GALNT9: variants seen among roughly 807,000 people sequenced by gnomAD.
GALNT9 encodes the protein GalNAc transferase 9.
A neutral mutation model predicts 63.1 loss-of-function variants in GALNT9; 47 were observed. The observed-to-expected ratio is 0.75, with a 90% CI of 0.59 to 0.95. The LOEUF is 0.95. GALNT9 is among the 40% of genes least tolerant of loss of function. The pLI is 0.00. For synonymous variants in GALNT9, 396 were observed against 365.7 expected, an observed-to-expected ratio of 1.08 and a Z score of -0.94; for missense variants, 829 against 874.8, an observed-to-expected ratio of 0.95 and a Z score of 0.66.
At position 132,319,304 on chromosome 12, in the gene GALNT9, G is replaced by C. The variant is rs782611938; in HGVS notation, c.238+9662C>G. On this transcript the variant is annotated intron_variant, in intron 1 of 10. Coordinates refer to ENST00000328957, the MANE Select transcript of GALNT9 (RefSeq NM_001122636.2). This position sits in a 1 kb window ranked among gnomAD's most constrained non-coding sequence, Gnocchi z 5.2. ...GGATCAGCCCCTTCTCGGAGGCCCG[G>C]CTGGAACAGAAAGGCAGAGGAGGGC... Among the ~76,000 whole-genome samples the C allele has an allele frequency of 3.9e-5, 6 of 152,210 alleles. No individual in the cohort carries two copies. The highest frequency in any genetic ancestry group is 5.9e-5 in the Non-Finnish European group (4 of 68,040).
intron 1 of GALNT9, among the ~76,000 whole-genome samples, chr12:132,303,035 C>T (rs1386657286): frequency 3.3e-5 from 5 of 151,848 alleles, no homozygotes; most frequent in East Asian, 1.9e-4. Flanking sequence ...TGGGGTGAGA[C>T]GGTGTGTGGA....
At chr12:132,204,076 A>C (rs1223830492) in intron 6 of GALNT9, among the ~76,000 whole-genome samples, 1 of 149,658 alleles carries the variant, frequency 6.7e-6, no homozygotes, top group Admixed American at 6.6e-5. Context: ...GCACCCGAAC[A>C]CACCAACAAT....
intron 5 of GALNT9, among the ~76,000 whole-genome samples, chr12:132,248,722 A>G (rs572107199): frequency 1.2e-4 from 18 of 152,386 alleles, no homozygotes; most frequent in Admixed American, 3.9e-4. Flanking sequence ...TATGTGCCAC[A>G]GACTGCCAGC....
intron 1 of GALNT9, among the ~76,000 whole-genome samples, chr12:132,289,219 C>T (rs28739494): frequency 0.05 from 7,670 of 152,212 alleles, 637 homozygotes; most frequent in African/African-American, 0.17. Flanking sequence ...GTTAAGTGAA[C>T]GTTTCCCCTC....
intron 1 of GALNT9, among the ~76,000 whole-genome samples, chr12:132,311,848 AG>A (rs1555245233): frequency 6.6e-6 from 1 of 152,220 alleles, no homozygotes; most frequent in African/African-American, 2.4e-5. Flanking sequence ...GGAGTGTGGA[AG>A]CTACAGCAGG....
Position 132,303,634 on chromosome 12 carries a change from C to T in GALNT9, c.239-17204G>A, listed in dbSNP as rs1254276945. Among the ~76,000 whole-genome samples, 70 of 86,286 alleles carry T rather than the reference C, an allele frequency of 8.1e-4. 5 individuals are homozygous for T. The highest frequency in any genetic ancestry group is 4.0e-3 in the African/African-American group (65 of 16,062). The allele number at this position is 86,286 out of a possible 152,430, so 56.6% of individuals were successfully genotyped here. On this transcript the variant is annotated intron_variant, in intron 1 of 10. Transcript: ENST00000328957. ...ACACACCCTCACCCGGGCACAGAATCGCCCAGACACACCCTCGCCTGGGCA... is the reference window on the plus strand; with the variant it reads ...ACACACCCTCACCCGGGCACAGAATTGCCCAGACACACCCTCGCCTGGGCA...
At chr12:132,222,045 G>A (rs1342245946) in intron 6 of GALNT9, among the ~76,000 whole-genome samples, 3 of 152,136 alleles carry the variant, frequency 2.0e-5, no homozygotes, top group South Asian at 2.1e-4. Flanking sequence ...GGGTAAGCCT[G>A]TGACGAGGGC....
In GALNT9 at chr12:132,286,463, G is replaced by T; in HGVS notation, c.239-33C>A. Reference sequence around the variant, plus strand: ...AAAGGAAGAGAGGGAGGTCAGGCAGGCCCAGGACACGCTGCGTCTGCACCC... The same window carrying T: ...AAAGGAAGAGAGGGAGGTCAGGCAGTCCCAGGACACGCTGCGTCTGCACCC... On this transcript the variant is annotated intron_variant, in intron 1 of 10. Coordinates refer to ENST00000328957, the MANE Select transcript of GALNT9 (RefSeq NM_001122636.2). This position sits in a 1 kb window ranked among gnomAD's most constrained non-coding sequence, Gnocchi z 7.4. The T allele has an allele frequency of 6.5e-7, 1 of 1,531,188 alleles. No individual in the cohort carries two copies. The highest frequency in any genetic ancestry group is 8.8e-7 in the Non-Finnish European group (1 of 1,138,402). 94.9% of individuals were successfully genotyped at this position (1,531,188 alleles called of 1,614,324 possible).
chr12:132,238,945 G>T lies in GALNT9; in HGVS notation c.1077+8965C>A, dbSNP rs1458931161. 6.6e-6 allele frequency among the ~76,000 whole-genome samples: 1 copy of T among 152,114 alleles called. No homozygotes were observed. The highest frequency in any genetic ancestry group is 2.4e-5 in the African/African-American group (1 of 41,406). ...AAATAAATACAATAAGATACACACC[G>T]CAGTTAAAGTGGTTGGATACCACAG... On this transcript the variant is annotated intron_variant, in intron 6 of 10. Coordinates refer to ENST00000328957, the MANE Select transcript of GALNT9 (RefSeq NM_001122636.2). The surrounding 1 kb of genome is among the most constrained non-coding windows in gnomAD (Gnocchi z 6.5).
chr12:132,246,141 G>C lies in GALNT9; in HGVS notation c.1077+1769C>G, dbSNP rs1186821088. 6.6e-6 allele frequency among the ~76,000 whole-genome samples: 1 copy of C among 152,356 alleles called. No homozygotes were observed. Among genetic ancestry groups the C allele is most frequent in the South Asian group, 2.1e-4 (1 of 4,832 alleles). On this transcript the variant is annotated intron_variant, in intron 6 of 10. Coordinates refer to ENST00000328957, the MANE Select transcript of GALNT9 (RefSeq NM_001122636.2). The surrounding 1 kb of genome is among the most constrained non-coding windows in gnomAD (Gnocchi z 4.7). ...ACCCGCGTGGGTGCGTTCAATCCAC[G>C]GCCGACCCGCCAAGGTCTGGTGTTT...
chr12:132,329,344 G>A lies in GALNT9; in HGVS notation c.-141C>T. On this transcript the variant is annotated 5_prime_UTR_variant, in exon 1 of 11. Transcript: ENST00000328957. ...GGGCTCGGCCGGAGCTGTCCCTTCA[G>A]CACCAGCTCAGCGCGCCGGGCCACG... 1.6e-6 allele frequency: 2 copies of A among 1,272,248 alleles called. No individual in the cohort carries two copies. Among genetic ancestry groups the A allele is most frequent in the African/African-American group, 1.6e-5 (1 of 63,330 alleles). 78.8% of individuals were successfully genotyped at this position (1,272,248 alleles called of 1,614,324 possible).
At chr12:132,233,350 C>T (rs1256793631) in intron 6 of GALNT9, among the ~76,000 whole-genome samples, 3 of 17,640 alleles carry the variant, frequency 1.7e-4, no homozygotes, top group African/African-American at 4.2e-4. Flanking sequence ...GAGGAGACAG[C>T]GTGGAGCCCC....
rs1555238077 is a variant in GALNT9, at chr12:132,247,565, C to G, written c.1077+345G>C. The G allele has an allele frequency of 8.0e-6, 4 of 501,102 alleles. No individual in the cohort carries two copies. In the East Asian group the frequency reaches 2.1e-4, roughly 26 times the overall value. The allele number at this position is 501,102 out of a possible 1,614,324, so 31.0% of individuals were successfully genotyped here. On this transcript the variant is annotated intron_variant, in intron 6 of 10. Coordinates refer to ENST00000328957, the MANE Select transcript of GALNT9 (RefSeq NM_001122636.2). ...AGGAGCCCTGGACCTCACCCTGTCC[C>G]TAGACCATGGCTGCACTCGCCCTCA...
intron 6 of GALNT9, among the ~76,000 whole-genome samples, chr12:132,211,362 A>G (rs1016502842): frequency 6.6e-6 from 1 of 152,174 alleles, no homozygotes; most frequent in African/African-American, 2.4e-5. Context: ...ATTTTGACGA[A>G]TAAAGGTGTG....
intron 1 of GALNT9, among the ~76,000 whole-genome samples, chr12:132,301,946 A>G (rs1278022139): frequency 2.0e-5 from 3 of 152,264 alleles, no homozygotes; most frequent in African/African-American, 4.8e-5. Context: ...ACCACTAGGT[A>G]ACATCCATCA....
At chr12:132,217,607 T>A (rs202014194) in intron 6 of GALNT9, among the ~76,000 whole-genome samples, 1 of 113,506 alleles carries the variant, frequency 8.8e-6, no homozygotes, top group Non-Finnish European at 1.8e-5. Flanking sequence ...CATCCATCCA[T>A]CCAGCCATCC....
At chr12:132,239,671 G>A (rs1200434327) in intron 6 of GALNT9, among the ~76,000 whole-genome samples, 1 of 151,902 alleles carries the variant, frequency 6.6e-6, no homozygotes, top group Non-Finnish European at 1.5e-5. Context: ...GAGAGAGACA[G>A]AGAGACAAAG....
chr12:132,318,266 G>A (rs532034094), intron 1 of GALNT9, among the ~76,000 whole-genome samples: 17 of 152,250 alleles, frequency 1.1e-4, no homozygotes, highest in Non-Finnish European at 2.4e-4. Context: ...CCAGGCAAGC[G>A]TGGGCGGCAG....
intron 1 of GALNT9, among the ~76,000 whole-genome samples, chr12:132,325,944 C>T (rs544921570): frequency 6.6e-6 from 1 of 152,390 alleles, no homozygotes; most frequent in East Asian, 1.9e-4. Context: ...GCCGCTGCGA[C>T]GCGGGCGACC....
Sources: gnomAD v4.1 joint callset for allele counts (sites outside exome capture counted in the v4.1 genomes callset) on GRCh38, gnomAD v4.1.1 for gene constraint, Gnocchi (gnomAD v3.1) non-coding constraint, MANE v1.5 for transcripts, NCBI Gene and HGNC (gene_info 2026-07-23, HGNC 2026-07-21) for gene names.